The following KIFC3 variants were observed in gnomAD, a reference collection of about 807,000 sequenced individuals.
KIFC3 encodes the protein kinesin family member C3.
KIFC3 carries 60 observed loss-of-function variants against 101.8 expected under a neutral mutation model. The ratio of observed to expected loss-of-function variants is 0.59; its 90% CI spans 0.48 to 0.73. The LOEUF (loss-of-function observed/expected upper bound fraction) is 0.73. KIFC3 is among the 30% of genes least tolerant of loss of function. The pLI is 0.00. For synonymous variants in KIFC3, 476 were observed against 482.7 expected (o/e 0.99, Z 0.18); for missense variants, 966 against 1,137.1 (o/e 0.85, Z 2.16).
intron 1 of KIFC3, among the ~76,000 whole-genome samples, chr16:57,812,443 T>A (rs929978975): frequency 4.6e-5 from 7 of 151,006 alleles, no homozygotes; most frequent in Admixed American, 6.6e-5. Context: ...TCTGCAATCA[T>A]CCCCCTCTAA....
chr16:57,795,660 C>CAA (rs1484906802), intron 2 of KIFC3, among the ~76,000 whole-genome samples: 1 of 152,188 alleles, frequency 6.6e-6, no homozygotes, highest in African/African-American at 2.4e-5. Context: ...GCCTCTGACA[C>CAA]ACCGCCTCCC....
intron 1 of KIFC3, among the ~76,000 whole-genome samples, chr16:57,853,072 TAAG>T (rs1156377857): frequency 2.6e-5 from 4 of 152,032 alleles, no homozygotes; most frequent in African/African-American, 9.7e-5. Flanking sequence ...AATTTTAAAA[TAAG>T]AAATATAATC....
chr16:57,778,925 G>A (rs2052419703), intron 3 of KIFC3, among the ~76,000 whole-genome samples: 1 of 152,100 alleles, frequency 6.6e-6, no homozygotes, highest in Non-Finnish European at 1.5e-5. Context: ...TAAAGAAAAT[G>A]AAAAACAAGT....
intron 1 of KIFC3, among the ~76,000 whole-genome samples, chr16:57,820,871 A>C (rs1224343069): frequency 6.6e-6 from 1 of 152,208 alleles, no homozygotes; most frequent in Non-Finnish European, 1.5e-5. Context: ...CTATTATCCC[A>C]GCACTATGGG....
chr16:57,838,749 C>A (rs1158212090), intron 1 of KIFC3, among the ~76,000 whole-genome samples: 1 of 152,166 alleles, frequency 6.6e-6, no homozygotes, highest in Non-Finnish European at 1.5e-5. Flanking sequence ...CATTTCTTCA[C>A]GGGTTTTGCC....
chr16:57,856,411 T>C (rs1303265706), intron 1 of KIFC3, among the ~76,000 whole-genome samples: 1 of 127,154 alleles, frequency 7.9e-6, no homozygotes, highest in African/African-American at 3.1e-5. Flanking sequence ...AGCTGGGAGG[T>C]GGAAGTTGCA....
chr16:57,820,245 C>G (rs1453282115), intron 1 of KIFC3, among the ~76,000 whole-genome samples: 3 of 152,142 alleles, frequency 2.0e-5, no homozygotes, highest in African/African-American at 7.2e-5. Flanking sequence ...CCATGCAGCT[C>G]AGCTGTCCAC....
At chr16:57,813,063 C>T (rs1246459583) in intron 1 of KIFC3, among the ~76,000 whole-genome samples, 1 of 152,204 alleles carries the variant, frequency 6.6e-6, no homozygotes, top group African/African-American at 2.4e-5. Context: ...CACAGTGGCT[C>T]ATACCTTTAA....
chr16:57,793,285 CA>C (rs879980109), intron 3 of KIFC3, among the ~76,000 whole-genome samples: 426 of 126,816 alleles, frequency 3.4e-3, no homozygotes, highest in African/African-American at 7.1e-3. Flanking sequence ...GACTCTGTCT[CA>C]AAAAAAAAAA....
At chr16:57,808,429 T>G (rs1011392599) in intron 1 of KIFC3, among the ~76,000 whole-genome samples, 1 of 152,132 alleles carries the variant, frequency 6.6e-6, no homozygotes, top group East Asian at 1.9e-4. Flanking sequence ...TAAATTGTTA[T>G]AGCTCCGGGT....
chr16:57,832,376 C>T (rs945003823), intron 1 of KIFC3, among the ~76,000 whole-genome samples: 8 of 119,660 alleles, frequency 6.7e-5, no homozygotes, highest in Admixed American at 1.1e-4. Context: ...CAAGCTAGAA[C>T]GCATCAGCGC....
intron 1 of KIFC3, among the ~76,000 whole-genome samples, chr16:57,832,731 A>G (rs2055609317): frequency 6.6e-6 from 1 of 152,056 alleles, no homozygotes; most frequent in Non-Finnish European, 1.5e-5. Context: ...AATTTCAACT[A>G]ATTTCAGAAG....
At chr16:57,774,819 G>A (rs146440120) in intron 3 of KIFC3, 18 of 1,229,234 alleles carry the variant, frequency 1.5e-5, no homozygotes, top group African/African-American at 3.1e-5. Context: ...GAGCCCCTGC[G>A]CCCGGCCAGT....
chr16:57,838,316 C>T (rs1272207903), intron 1 of KIFC3, among the ~76,000 whole-genome samples: 3 of 151,746 alleles, frequency 2.0e-5, no homozygotes, highest in African/African-American at 7.3e-5. Flanking sequence ...ATGCGCCCTG[C>T]GAACTACACA....
At chr16:57,787,458 C>G (rs543258052) in intron 3 of KIFC3, among the ~76,000 whole-genome samples, 1 of 152,170 alleles carries the variant, frequency 6.6e-6, no homozygotes, top group Non-Finnish European at 1.5e-5. Flanking sequence ...CTCAGCACCG[C>G]GGCAGGGCAG....
intron 1 of KIFC3, among the ~76,000 whole-genome samples, chr16:57,833,866 C>CTTTT (rs201843937): frequency 5.4e-5 from 6 of 111,314 alleles, no homozygotes; most frequent in Non-Finnish European, 8.6e-5. Context: ...AATGCAGTTG[C>CTTTT]TTTTTTTTTT....
intron 18 of KIFC3, chr16:57,759,471 G>C: frequency 1.7e-6 from 1 of 577,126 alleles, no homozygotes; most frequent in Non-Finnish European, 3.1e-6. Flanking sequence ...GGTAGAGTCA[G>C]CACCCCCGGC....
intron 1 of KIFC3, among the ~76,000 whole-genome samples, chr16:57,831,710 G>A (rs987316549): frequency 5.3e-5 from 8 of 152,126 alleles, no homozygotes; most frequent in African/African-American, 1.9e-4. Context: ...TACAGCTTAA[G>A]CTTTAGTGGG....
intron 1 of KIFC3, among the ~76,000 whole-genome samples, chr16:57,800,975 C>G (rs1476560228): frequency 6.6e-6 from 1 of 152,148 alleles, no homozygotes; most frequent in East Asian, 1.9e-4. Context: ...TTTGCCTCTC[C>G]GTACTTCATT....
Sources: allele counts gnomAD v4.1 joint callset (sites outside exome capture counted in the v4.1 genomes callset), GRCh38; gene constraint gnomAD v4.1.1; transcripts MANE v1.5; gene names NCBI Gene and HGNC (gene_info 2026-07-23, HGNC 2026-07-21).